The following CTNNA2 variants were observed in gnomAD, a reference collection of about 807,000 sequenced individuals.
The protein encoded by CTNNA2 is catenin alpha-2.
CTNNA2 carries 42 observed loss-of-function variants against 101.0 expected under a neutral mutation model. That is an observed-to-expected ratio of 0.42 (90% CI 0.32 to 0.54). The LOEUF (loss-of-function observed/expected upper bound fraction) is 0.54. Among genes scored for constraint, CTNNA2 ranks in the 20% least tolerant of loss-of-function variants. The pLI is 0.14. For synonymous variants in CTNNA2, 450 were observed against 456.4 expected (o/e 0.99, Z 0.18); for missense variants, 871 against 1,223.1 (o/e 0.71, Z 4.29).
chr2:80,525,598 C>G lies in CTNNA2; in HGVS notation c.1291-19384C>G, dbSNP rs145801326. 1.1e-3 allele frequency among the ~76,000 whole-genome samples: 161 copies of G among 152,316 alleles called. 3 individuals carry two copies. In the East Asian group the frequency reaches 0.028, roughly 27 times the overall value. On this transcript the variant is annotated intron_variant, in intron 9 of 18. Transcript: ENST00000402739. ...AATTTCCCCCTCACCCATCTGCTCTCTACCCTCAATATCAAATGTTTGCTT... is the reference window on the plus strand; with the variant it reads ...AATTTCCCCCTCACCCATCTGCTCTGTACCCTCAATATCAAATGTTTGCTT...
intron 14 of CTNNA2, among the ~76,000 whole-genome samples, chr2:80,587,297 C>A (rs532903243): frequency 1.2e-4 from 19 of 152,086 alleles, no homozygotes; most frequent in African/African-American, 4.6e-4. Context: ...TAACAATCTT[C>A]TATTTGTAGA....
At chr2:79,734,338 GT>G (rs908383878) in intron 2 of CTNNA2, among the ~76,000 whole-genome samples, 44 of 152,112 alleles carry the variant, frequency 2.9e-4, no homozygotes, top group Admixed American at 1.3e-4. Context: ...CTTTAAACCA[GT>G]TTGTTTCTTT....
intron 2 of CTNNA2, among the ~76,000 whole-genome samples, chr2:79,208,579 G>A (rs1316232161): frequency 1.3e-5 from 2 of 152,194 alleles, no homozygotes; most frequent in Non-Finnish European, 2.9e-5. Flanking sequence ...TGTGTGACTT[G>A]AGGTAAGTGT....
intron 7 of CTNNA2, among the ~76,000 whole-genome samples, chr2:80,225,193 C>T (rs1475693831): frequency 6.6e-6 from 1 of 152,150 alleles, no homozygotes; most frequent in African/African-American, 2.4e-5. Context: ...CAGGTTCACT[C>T]TCAGAGCTCC....
intron 4 of CTNNA2, among the ~76,000 whole-genome samples, chr2:79,860,250 T>C (rs1459473436): frequency 6.6e-6 from 1 of 152,192 alleles, no homozygotes; most frequent in Non-Finnish European, 1.5e-5. Flanking sequence ...CGACTGAACC[T>C]AACAAAATTA....
chr2:79,323,245 C>T (rs1245049082), intron 3 of CTNNA2, among the ~76,000 whole-genome samples: 1 of 152,130 alleles, frequency 6.6e-6, no homozygotes, highest in African/African-American at 2.4e-5. Flanking sequence ...AGATTCCTCA[C>T]ATAGGAAGAT....
In CTNNA2 at chr2:80,647,996, G is replaced by A; in HGVS notation, c.*124G>A. The A allele has an allele frequency of 1.1e-6, 1 of 877,602 alleles. No homozygotes were observed. Among genetic ancestry groups the A allele is most frequent in the Non-Finnish European group, 1.7e-6 (1 of 586,680 alleles). 54.4% of individuals were successfully genotyped at this position (877,602 alleles called of 1,614,324 possible). ...CTGGCATGGGGAAATTAAGGGAACAGTGTCTGTTTGCATGTAAGATGAGAT... is the reference window on the plus strand; with the variant it reads ...CTGGCATGGGGAAATTAAGGGAACAATGTCTGTTTGCATGTAAGATGAGAT... On this transcript the variant is annotated 3_prime_UTR_variant, in exon 19 of 19. Transcript: ENST00000402739.
intron 7 of CTNNA2, among the ~76,000 whole-genome samples, chr2:80,017,647 G>T (rs550363737): frequency 6.6e-6 from 1 of 151,952 alleles, no homozygotes; most frequent in Admixed American, 6.6e-5. Context: ...GTCTTCCCAG[G>T]GTTCTAATGT....
chr2:79,963,013 G>A (rs998428541), intron 7 of CTNNA2, among the ~76,000 whole-genome samples: 16 of 139,604 alleles, frequency 1.1e-4, no homozygotes, highest in African/African-American at 4.3e-4. Context: ...GGAACTTGCA[G>A]TGAGCTGAGA....
At chr2:79,561,754 CT>C (rs1674795382) in intron 1 of CTNNA2, among the ~76,000 whole-genome samples, 1 of 151,802 alleles carries the variant, frequency 6.6e-6, no homozygotes, top group African/African-American at 2.4e-5. Context: ...CCTCATATAG[CT>C]TCTTTGGAGA....
chr2:79,367,739 A>G (rs1362894009), intron 3 of CTNNA2, among the ~76,000 whole-genome samples: 1 of 152,178 alleles, frequency 6.6e-6, no homozygotes, highest in Non-Finnish European at 1.5e-5. Context: ...TACTCTGGCA[A>G]TTAGAAATTA....
chr2:79,973,127 A>G (rs1349475052), intron 7 of CTNNA2, among the ~76,000 whole-genome samples: 2 of 152,152 alleles, frequency 1.3e-5, no homozygotes, highest in African/African-American at 4.8e-5. Context: ...TTTCCTTTCT[A>G]TGTAATGCTA....
chr2:80,211,498 G>C (rs920481531), intron 7 of CTNNA2, among the ~76,000 whole-genome samples: 15 of 152,152 alleles, frequency 9.9e-5, no homozygotes, highest in African/African-American at 2.2e-4. Context: ...TCTTGTTTTT[G>C]TCAGGTTTGT....
chr2:79,290,016 G>A (rs1675752873), intron 2 of CTNNA2, among the ~76,000 whole-genome samples: 2 of 152,104 alleles, frequency 1.3e-5, no homozygotes, highest in African/African-American at 4.8e-5. Context: ...CAATTGAGAT[G>A]CTATGTGCAA....
intron 15 of CTNNA2, among the ~76,000 whole-genome samples, chr2:80,598,646 GGCAAATGGTTAAATGGTTAA>G (rs143410366): frequency 0.024 from 3,589 of 152,128 alleles, 85 homozygotes; most frequent in South Asian, 0.13. Flanking sequence ...TCCTTCATTG[GGCAAATGGTTAAATGGTTAA>G]GCAAACTATG....
intron 4 of CTNNA2, among the ~76,000 whole-genome samples, chr2:79,499,649 TCTCA>T (rs1671298648): frequency 6.6e-6 from 1 of 152,168 alleles, no homozygotes; most frequent in African/African-American, 2.4e-5. Flanking sequence ...GATGCTCGTC[TCTCA>T]CTCACTCCAC....
At chr2:79,288,943 AAAC>A (rs144020212) in intron 2 of CTNNA2, among the ~76,000 whole-genome samples, 3,675 of 152,330 alleles carry the variant, frequency 0.024, 131 homozygotes, top group African/African-American at 0.085. Context: ...AGAAAAAAGA[AAAC>A]AAGTCACTTA....
intron 2 of CTNNA2, among the ~76,000 whole-genome samples, chr2:79,254,389 A>G (rs1043196579): frequency 6.6e-6 from 1 of 152,048 alleles, no homozygotes; most frequent in Non-Finnish European, 1.5e-5. Context: ...GTTTAGCACC[A>G]TCCTTTCCTG....
chr2:80,377,695 C>G (rs1388569633), intron 7 of CTNNA2, among the ~76,000 whole-genome samples: 1 of 152,162 alleles, frequency 6.6e-6, no homozygotes, highest in Non-Finnish European at 1.5e-5. Context: ...TTTCCCCACC[C>G]TAAGTCTTAG....
Sources: gnomAD v4.1 joint callset for allele counts (sites outside exome capture counted in the v4.1 genomes callset) on GRCh38, gnomAD v4.1.1 for gene constraint, MANE v1.5 for transcripts, NCBI Gene and HGNC (gene_info 2026-07-23, HGNC 2026-07-21) for gene names.